The following TBC1D19 variants were observed in gnomAD, a reference collection of about 807,000 sequenced individuals.
The protein encoded by TBC1D19 is TBC1 domain family member 19.
In TBC1D19, 60 loss-of-function variants were observed where a neutral mutation model predicts 89.0. That is an observed-to-expected ratio of 0.67 (90% CI 0.55 to 0.84). The LOEUF (loss-of-function observed/expected upper bound fraction) is 0.84. Among genes scored for constraint, TBC1D19 ranks in the 40% least tolerant of loss-of-function variants. TBC1D19 has a pLI of 0.00. For missense variants in TBC1D19, 500 were observed against 610.8 expected, an observed-to-expected ratio of 0.82 and a Z score of 1.91; for synonymous variants, 189 against 199.7, an observed-to-expected ratio of 0.95 and a Z score of 0.45.
chr4:26,798,636 C>T, the TBC1D19 span, among the ~76,000 whole-genome samples: 1 of 151,760 alleles, frequency 6.6e-6, no homozygotes, highest in Admixed American at 6.6e-5. Context: ...ATGGAACCAA[C>T]CTAAGTGTCC....
chr4:26,612,803 T>C (rs1245826602), intron 1 of TBC1D19, among the ~76,000 whole-genome samples: 1 of 152,088 alleles, frequency 6.6e-6, no homozygotes, highest in Non-Finnish European at 1.5e-5. Context: ...TTTTTAGTCA[T>C]TAGATACAGG....
chr4:26,582,739 G>A (rs1739128720), upstream of TBC1D19, among the ~76,000 whole-genome samples: 1 of 152,132 alleles, frequency 6.6e-6, no homozygotes, highest in Non-Finnish European at 1.5e-5. Flanking sequence ...TAAGTGCTTT[G>A]TTTCTTTCCT....
chr4:26,660,473 A>T (rs1294911923), intron 8 of TBC1D19, among the ~76,000 whole-genome samples: 1 of 152,184 alleles, frequency 6.6e-6, no homozygotes, highest in Non-Finnish European at 1.5e-5. Flanking sequence ...TCAGTTTATT[A>T]TCTTTCAGCT....
At chr4:26,833,430 T>C in the TBC1D19 span, among the ~76,000 whole-genome samples, 6 of 152,282 alleles carry the variant, frequency 3.9e-5, no homozygotes, top group South Asian at 8.3e-4. Flanking sequence ...AACACAAAAA[T>C]TCCCTTGCAC....
intron 13 of TBC1D19, among the ~76,000 whole-genome samples, chr4:26,705,855 T>G (rs552338962): frequency 1.3e-5 from 2 of 152,274 alleles, no homozygotes; most frequent in Non-Finnish European, 1.5e-5. Context: ...AAGTGTTTTC[T>G]ATTTTTTAAT....
chr4:26,784,820 A>G, the TBC1D19 span, among the ~76,000 whole-genome samples: 2 of 152,228 alleles, frequency 1.3e-5, no homozygotes, highest in African/African-American at 4.8e-5. Context: ...CTTGGGGAGC[A>G]TTGGCTAATA....
At chr4:26,745,650 G>A (rs1718610094) in intron 18 of TBC1D19, among the ~76,000 whole-genome samples, 1 of 151,238 alleles carries the variant, frequency 6.6e-6, no homozygotes, top group African/African-American at 2.4e-5. Context: ...GGGATTACAG[G>A]TGCACGCCAC....
chr4:26,642,528 G>A (rs1212405377), intron 7 of TBC1D19, among the ~76,000 whole-genome samples: 1 of 152,132 alleles, frequency 6.6e-6, no homozygotes, highest in African/African-American at 2.4e-5. Flanking sequence ...CAACTAATGA[G>A]CAAAATAACC....
chr4:26,753,959 G>T (rs1719123491), intron 20 of TBC1D19, 69 bp downstream of exon 20: 1 of 1,566,494 alleles, frequency 6.4e-7, no homozygotes, highest in Non-Finnish European at 8.8e-7. Flanking sequence ...TCATTTTAGT[G>T]TCTGTTGCAT....
At chr4:26,681,055 A>G (rs190655252) in intron 11 of TBC1D19, among the ~76,000 whole-genome samples, 1 of 152,358 alleles carries the variant, frequency 6.6e-6, no homozygotes, top group African/African-American at 2.4e-5. Context: ...GCCAATAAAT[A>G]TATGAAAGAT....
chr4:26,666,986 G>T (rs1334536591), intron 9 of TBC1D19, among the ~76,000 whole-genome samples: 1 of 151,446 alleles, frequency 6.6e-6, no homozygotes, highest in African/African-American at 2.4e-5. Context: ...TCTTTCCTCT[G>T]CCACTGGCTA....
intron 8 of TBC1D19, among the ~76,000 whole-genome samples, chr4:26,661,282 T>A (rs137967281): frequency 1.3e-5 from 2 of 152,194 alleles, no homozygotes; most frequent in African/African-American, 4.8e-5. Context: ...AATGGTGAGA[T>A]TAATACTCTC....
At chr4:26,674,901 A>G (rs898435731) in intron 11 of TBC1D19, among the ~76,000 whole-genome samples, 1 of 152,036 alleles carries the variant, frequency 6.6e-6, no homozygotes, top group Non-Finnish European at 1.5e-5. Context: ...TAAAAACTAT[A>G]CCTCTAACCC....
chr4:26,578,432 ATTGC>A (rs1739013213), intron 1 of TBC1D19, among the ~76,000 whole-genome samples: 1 of 152,226 alleles, frequency 6.6e-6, no homozygotes, highest in Non-Finnish European at 1.5e-5. Context: ...TCTTGTAGAT[ATTGC>A]TAGGCCTTCA....
chr4:26,823,471 A>G, the TBC1D19 span, among the ~76,000 whole-genome samples: 3 of 152,242 alleles, frequency 2.0e-5, no homozygotes, highest in Non-Finnish European at 2.9e-5. Context: ...GAAGATACAC[A>G]GAAGAGATTC....
the TBC1D19 span, among the ~76,000 whole-genome samples, chr4:26,771,115 A>C: frequency 6.6e-6 from 1 of 152,086 alleles, no homozygotes; most frequent in East Asian, 1.9e-4. Flanking sequence ...ACTAATCATC[A>C]GGGAAATGCA....
At chr4:26,641,480 C>A (rs1171032870) in intron 7 of TBC1D19, among the ~76,000 whole-genome samples, 2 of 152,198 alleles carry the variant, frequency 1.3e-5, no homozygotes, top group African/African-American at 2.4e-5. Context: ...GAAACCAGAG[C>A]AGAAAAGCTG....
chr4:26,853,242 C>G, the TBC1D19 span, among the ~76,000 whole-genome samples: 1 of 152,190 alleles, frequency 6.6e-6, no homozygotes, highest in Non-Finnish European at 1.5e-5. Context: ...CACATACATC[C>G]TTTCCCCAAA....
intron 1 of TBC1D19, among the ~76,000 whole-genome samples, chr4:26,604,914 T>A (rs1338172904): frequency 6.6e-6 from 1 of 151,860 alleles, no homozygotes; most frequent in East Asian, 1.9e-4. Context: ...ATAAAAATGC[T>A]ACTATGAACA....
Sources: gnomAD v4.1 joint callset for allele counts (sites outside exome capture counted in the v4.1 genomes callset) on GRCh38, gnomAD v4.1.1 for gene constraint, MANE v1.5 for transcripts, NCBI Gene and HGNC (gene_info 2026-07-23, HGNC 2026-07-21) for gene names.